Variants in KCNIP4 observed in about 807,000 individuals in gnomAD.
KCNIP4 encodes the protein Kv channel-interacting protein 4.
Under a neutral mutation model 34.0 loss-of-function variants are expected in KCNIP4, and 12 were observed. That is an observed-to-expected ratio of 0.35 (90% confidence interval 0.23 to 0.57). The LOEUF (loss-of-function observed/expected upper bound fraction) is 0.57. Ranked by LOEUF, KCNIP4 falls within the 20% of genes least tolerant of loss-of-function variation. The pLI is 0.83. For missense variants in KCNIP4, 238 were observed against 311.7 expected (o/e 0.76, Z 1.78); for synonymous variants, 124 against 102.2 (o/e 1.21, Z -1.29).
chr4:21,555,132 C>A (rs568786603), intron 1 of KCNIP4, among the ~76,000 whole-genome samples: 26 of 152,166 alleles, frequency 1.7e-4, no homozygotes, highest in Non-Finnish European at 2.5e-4. Flanking sequence ...CCTCAAGAAG[C>A]GAAATAGTGG....
chr4:21,088,828 G>C lies in KCNIP4; in HGVS notation c.62-206119C>G, dbSNP rs145372122. Among the ~76,000 whole-genome samples, 691 of 152,160 alleles carry C rather than the reference G, an allele frequency of 4.5e-3. 6 individuals are homozygous for C. The highest frequency in any genetic ancestry group is 0.016 in the African/African-American group (660 of 41,526). On this transcript the variant is annotated intron_variant, in intron 1 of 8. Transcript: ENST00000382152. ...CACTGTTCCTTCACAGAATTCAACA[G>C]CATTCATTATTTGTTCAATATCCAT...
At chr4:21,745,825 G>C (rs1034993678) in intron 1 of KCNIP4, among the ~76,000 whole-genome samples, 2 of 152,012 alleles carry the variant, frequency 1.3e-5, no homozygotes, top group Admixed American at 1.3e-4. Context: ...CAAACAATAA[G>C]TATGTTTAAT....
At chr4:21,103,099 G>A (rs1015539118) in intron 1 of KCNIP4, among the ~76,000 whole-genome samples, 2 of 151,850 alleles carry the variant, frequency 1.3e-5, no homozygotes, top group African/African-American at 2.4e-5. Flanking sequence ...ATCAAATGGG[G>A]TGATAGATAT....
At chr4:21,914,336 G>C (rs1329031990) in intron 1 of KCNIP4, among the ~76,000 whole-genome samples, 1 of 152,092 alleles carries the variant, frequency 6.6e-6, no homozygotes, top group East Asian at 1.9e-4. Flanking sequence ...GCATAGGGGT[G>C]GGTGGTGGAA....
At chr4:21,346,533 C>T (rs1717441226) in intron 1 of KCNIP4, among the ~76,000 whole-genome samples, 1 of 151,336 alleles carries the variant, frequency 6.6e-6, no homozygotes, top group South Asian at 2.1e-4. Flanking sequence ...GTAAGCTGGG[C>T]TAAAGTCTAA....
intron 1 of KCNIP4, among the ~76,000 whole-genome samples, chr4:21,360,868 A>T (rs900779329): frequency 6.6e-6 from 1 of 152,118 alleles, no homozygotes; most frequent in South Asian, 2.1e-4. Flanking sequence ...TCTCTCAAGT[A>T]AGAGGCCAGG....
At chr4:21,208,994 G>C (rs1052917900) in intron 1 of KCNIP4, among the ~76,000 whole-genome samples, 2 of 152,114 alleles carry the variant, frequency 1.3e-5, no homozygotes, top group African/African-American at 4.8e-5. Context: ...CCATCCCCAT[G>C]TTCCAATTAC....
intron 1 of KCNIP4, among the ~76,000 whole-genome samples, chr4:21,204,197 T>G (rs909517092): frequency 1.3e-5 from 2 of 152,014 alleles, no homozygotes; most frequent in African/African-American, 4.8e-5. Context: ...AAGAGTTCTC[T>G]CTCTTTAATG....
intron 1 of KCNIP4, among the ~76,000 whole-genome samples, chr4:21,750,634 A>G (rs1411685253): frequency 2.0e-5 from 3 of 152,204 alleles, no homozygotes; most frequent in Admixed American, 6.6e-5. Flanking sequence ...CCAAGAATTA[A>G]GTAGTTTTTA....
chr4:21,745,450 G>T (rs1408183186), intron 1 of KCNIP4, among the ~76,000 whole-genome samples: 4 of 152,086 alleles, frequency 2.6e-5, no homozygotes, highest in Admixed American at 1.3e-4. Context: ...ATTTTCAAAA[G>T]AATGTAATAG....
At chr4:21,351,497 A>G (rs1321648204) in intron 1 of KCNIP4, among the ~76,000 whole-genome samples, 1 of 152,146 alleles carries the variant, frequency 6.6e-6, no homozygotes, top group African/African-American at 2.4e-5. Context: ...CCATGAGTCC[A>G]TTACACTTAT....
chr4:21,745,487 G>C (rs959688122), intron 1 of KCNIP4, among the ~76,000 whole-genome samples: 1 of 152,096 alleles, frequency 6.6e-6, no homozygotes, highest in African/African-American at 2.4e-5. Context: ...ACATGAGACA[G>C]TTCAGGGCAT....
rs1476695976 is a variant in KCNIP4, at chr4:21,697,586, C to T, written c.61+250985G>A. Reference sequence around the variant, plus strand: ...CAACTCCTGTGGAATTAGCTGTTAGCGCCTCAATCAGAAATTCCTTTAAAA... The same window carrying T: ...CAACTCCTGTGGAATTAGCTGTTAGTGCCTCAATCAGAAATTCCTTTAAAA... On this transcript the variant is annotated intron_variant, in intron 1 of 8. Coordinates refer to ENST00000382152, the MANE Select transcript of KCNIP4 (RefSeq NM_025221.6). 5.1e-6 allele frequency: 7 copies of T among 1,373,886 alleles called. No individual in the cohort carries two copies. The Admixed American group carries it at 1.5e-4, about 30-fold the overall frequency. The allele number at this position is 1,373,886 out of a possible 1,614,324, so 85.1% of individuals were successfully genotyped here. A position where few individuals can be genotyped will look rare whatever the true frequency, so the allele number is the denominator to read the frequency against.
chr4:21,074,213 T>C (rs1209761370), intron 1 of KCNIP4, among the ~76,000 whole-genome samples: 1 of 152,198 alleles, frequency 6.6e-6, no homozygotes, highest in Admixed American at 6.5e-5. Flanking sequence ...GAAGGAATGG[T>C]ATCAGCTCCT....
intron 1 of KCNIP4, among the ~76,000 whole-genome samples, chr4:21,606,028 T>C (rs1433751756): frequency 6.6e-6 from 1 of 152,100 alleles, no homozygotes; most frequent in Non-Finnish European, 1.5e-5. Flanking sequence ...GTAGAAAGAA[T>C]GAGAAATGCC....
intron 3 of KCNIP4, among the ~76,000 whole-genome samples, chr4:20,765,117 A>C (rs1755285044): frequency 1.3e-5 from 2 of 152,204 alleles, no homozygotes; most frequent in Admixed American, 6.5e-5. Context: ...CAAATAGTTC[A>C]TATGCCTTTT....
intron 1 of KCNIP4, among the ~76,000 whole-genome samples, chr4:20,980,708 T>C (rs550526147): frequency 1.3e-5 from 2 of 152,186 alleles, no homozygotes; most frequent in South Asian, 2.1e-4. Context: ...GATGGTACCA[T>C]TGAGGTATCA....
chr4:21,329,493 A>C (rs1715411484), intron 1 of KCNIP4, among the ~76,000 whole-genome samples: 1 of 152,218 alleles, frequency 6.6e-6, no homozygotes, highest in Non-Finnish European at 1.5e-5. Flanking sequence ...AAATAATACA[A>C]TGAGGTTATT....
intron 1 of KCNIP4, among the ~76,000 whole-genome samples, chr4:21,516,811 G>C (rs1330405080): frequency 1.3e-5 from 2 of 152,140 alleles, no homozygotes; most frequent in African/African-American, 4.8e-5. Flanking sequence ...GGAATGTGAA[G>C]TTGTGCCTAG....
Sources: gnomAD v4.1 joint callset for allele counts (sites outside exome capture counted in the v4.1 genomes callset) on GRCh38, gnomAD v4.1.1 for gene constraint, MANE v1.5 for transcripts, NCBI Gene and HGNC (gene_info 2026-07-23, HGNC 2026-07-21) for gene names.